The following EYS variants were observed in gnomAD, a reference collection of about 807,000 sequenced individuals.
The protein encoded by EYS is protein eyes shut homolog.
A neutral mutation model predicts 282.1 loss-of-function variants in EYS; 250 were observed. The ratio of observed to expected loss-of-function variants is 0.89; its 90% CI spans 0.80 to 0.98. The LOEUF is 0.98. Ranked by LOEUF, EYS falls within the 50% of genes least tolerant of loss-of-function variation. The pLI, the probability that EYS is intolerant of heterozygous loss-of-function variation, is 0.00. For synonymous variants in EYS, 1,355 were observed against 1,282.9 expected (o/e 1.06, Z -1.20); for missense variants, 4,016 against 3,709.0 (o/e 1.08, Z -2.15).
intron 41 of EYS, among the ~76,000 whole-genome samples, chr6:63,743,694 G>T (rs1769140131): frequency 6.6e-6 from 1 of 152,156 alleles, no homozygotes; most frequent in South Asian, 2.1e-4. Context: ...GGAAAGTAGA[G>T]GAGACTACAA....
At chr6:64,575,554 T>G (rs927963411) in intron 26 of EYS, among the ~76,000 whole-genome samples, 1 of 151,958 alleles carries the variant, frequency 6.6e-6, no homozygotes. Context: ...AACGTATAAA[T>G]AGCAATTAAT....
At position 65,691,367 on chromosome 6, in the gene EYS, G is replaced by A. The variant is rs576099066; in HGVS notation, c.-448+15768C>T. ...GCTTTTTTTCATACAATTGTTGGCC[G>A]CATAAATATCTTCTTTTGAGAAGTG... On this transcript the variant is annotated intron_variant, in intron 1 of 42. Coordinates refer to ENST00000503581, the MANE Select transcript of EYS (RefSeq NM_001142800.2). 5.3e-4 allele frequency among the ~76,000 whole-genome samples: 79 copies of A among 150,242 alleles called. 3 individuals carry two copies. Among genetic ancestry groups the A allele is most frequent in the Non-Finnish European group, 3.8e-4 (26 of 67,710 alleles).
At chr6:63,823,309 C>T (rs1377932773) in intron 36 of EYS, among the ~76,000 whole-genome samples, 1 of 152,078 alleles carries the variant, frequency 6.6e-6, no homozygotes. Context: ...GAATAAGTAA[C>T]ACTGAAATAA....
At chr6:65,533,930 C>G (rs1279026766) in intron 2 of EYS, among the ~76,000 whole-genome samples, 2 of 152,080 alleles carry the variant, frequency 1.3e-5, no homozygotes, top group Admixed American at 1.3e-4. Context: ...AGATCAATCT[C>G]AACTCATTGG....
intron 2 of EYS, among the ~76,000 whole-genome samples, chr6:65,499,995 G>T (rs997162173): frequency 6.6e-6 from 1 of 151,816 alleles, no homozygotes; most frequent in Non-Finnish European, 1.5e-5. Flanking sequence ...AGTGTCCAAA[G>T]AAATAAGAAT....
At chr6:65,585,158 T>G (rs1362190728) in intron 2 of EYS, among the ~76,000 whole-genome samples, 1 of 151,862 alleles carries the variant, frequency 6.6e-6, no homozygotes, top group Non-Finnish European at 1.5e-5. Flanking sequence ...AATTCGATAA[T>G]TCAAGAATGC....
chr6:64,437,419 A>T (rs1774790172), intron 27 of EYS, among the ~76,000 whole-genome samples: 1 of 151,752 alleles, frequency 6.6e-6, no homozygotes, highest in Admixed American at 6.6e-5. Context: ...CAAGTCTACA[A>T]TAATTACTAT....
rs1436680972 is a variant in EYS, at chr6:65,569,479, AC to A, written c.-333+70298del. Among the ~76,000 whole-genome samples, 3 of 152,162 alleles carry A rather than the reference AC, an allele frequency of 2.0e-5. No individual in the cohort carries two copies. In the South Asian group the frequency reaches 6.2e-4, roughly 32 times the overall value. On this transcript the variant is annotated intron_variant, in intron 2 of 42. Transcript: ENST00000503581. ...GGACCAGACTGCCATTGTAGGACTA[AC>A]AAATTAGCTACATGATTACAAATTA...
At chr6:64,704,162 G>A (rs1238441534) in intron 22 of EYS, among the ~76,000 whole-genome samples, 1 of 151,550 alleles carries the variant, frequency 6.6e-6, no homozygotes, top group Non-Finnish European at 1.5e-5. Flanking sequence ...TTGGACAATT[G>A]AGTTAAATGT....
At chr6:64,694,786 G>A (rs978742114) in intron 22 of EYS, among the ~76,000 whole-genome samples, 1 of 152,296 alleles carries the variant, frequency 6.6e-6, no homozygotes, top group South Asian at 2.1e-4. Context: ...ATCAGGAGAA[G>A]TTTAGCCTGA....
chr6:65,141,308 C>A (rs1764334047), intron 12 of EYS, among the ~76,000 whole-genome samples: 1 of 151,874 alleles, frequency 6.6e-6, no homozygotes, highest in Admixed American at 6.6e-5. Flanking sequence ...CACATGGACA[C>A]AGGAAGGGGA....
At chr6:64,592,412 C>A (rs1260353515) in intron 25 of EYS, among the ~76,000 whole-genome samples, 1 of 152,030 alleles carries the variant, frequency 6.6e-6, no homozygotes, top group Non-Finnish European at 1.5e-5. Context: ...TTAGATAACA[C>A]CATATTTCAA....
At chr6:65,586,182 A>T (rs1437956350) in intron 2 of EYS, among the ~76,000 whole-genome samples, 2 of 152,028 alleles carry the variant, frequency 1.3e-5, no homozygotes, top group Non-Finnish European at 2.9e-5. Flanking sequence ...TAATCAAAAT[A>T]GTTTCTCTTG....
At chr6:64,461,526 T>C (rs9351261) in intron 26 of EYS, among the ~76,000 whole-genome samples, 51,370 of 152,022 alleles carry the variant, frequency 0.34, 8,843 homozygotes, top group East Asian at 0.44. Context: ...GTGGCATTAG[T>C]GGAAGATTGA....
At position 65,138,934 on chromosome 6, in the gene EYS, C is replaced by G. The variant is rs115493927; in HGVS notation, c.2024-81207G>C. On this transcript the variant is annotated intron_variant, in intron 12 of 42. Transcript: ENST00000503581. The stretch of plus-strand genomic sequence containing the variant: ...TAGCTATTGGAAAGTCCAAAGATAA[C>G]AGACTCTGCCGAAGTTGTGGAGAAA... Among the ~76,000 whole-genome samples the G allele has an allele frequency of 1.3e-3, 204 of 152,168 alleles. 2 individuals are homozygous for G. The highest frequency in any genetic ancestry group is 4.7e-3 in the African/African-American group (195 of 41,558).
intron 35 of EYS, among the ~76,000 whole-genome samples, chr6:63,896,866 A>T (rs376858259): frequency 2.0e-5 from 3 of 151,630 alleles, no homozygotes; most frequent in Non-Finnish European, 2.9e-5. Flanking sequence ...CGGTTCCTCT[A>T]TTTTTTTCAC....
intron 41 of EYS, among the ~76,000 whole-genome samples, chr6:63,748,150 G>A (rs1463947076): frequency 6.6e-6 from 1 of 152,136 alleles, no homozygotes; most frequent in Non-Finnish European, 1.5e-5. Context: ...GCCTGGTGGT[G>A]ACACAATCTC....
chr6:64,051,001 T>C (rs867691371), intron 33 of EYS, among the ~76,000 whole-genome samples: 7 of 152,188 alleles, frequency 4.6e-5, no homozygotes, highest in Admixed American at 4.6e-4. Flanking sequence ...ATAAGGGGAA[T>C]ACTGAATTCC....
chr6:64,648,269 G>A (rs140343517), intron 22 of EYS, among the ~76,000 whole-genome samples: 7 of 152,184 alleles, frequency 4.6e-5, no homozygotes, highest in Non-Finnish European at 1.0e-4. Context: ...TCATGGCCTC[G>A]AGGTAACCAC....
Sources: allele counts gnomAD v4.1 joint callset (sites outside exome capture counted in the v4.1 genomes callset), GRCh38; gene constraint gnomAD v4.1.1; transcripts MANE v1.5; gene names NCBI Gene and HGNC (gene_info 2026-07-23, HGNC 2026-07-21).